ZPBP: variants seen among roughly 807,000 people sequenced by gnomAD.
ZPBP encodes zona pellucida binding protein.
In ZPBP, 26 loss-of-function variants were observed where a neutral mutation model predicts 44.8. The ratio of observed to expected loss-of-function variants is 0.58; its 90% CI spans 0.43 to 0.81. The LOEUF is 0.81. ZPBP is among the 30% of genes least tolerant of loss of function. The pLI is 0.00. For synonymous variants in ZPBP, 174 were observed against 153.2 expected, an observed-to-expected ratio of 1.14 and a Z score of -1.00; for missense variants, 409 against 434.0, an observed-to-expected ratio of 0.94 and a Z score of 0.51.
At chr7:50,090,179 A>AT (rs1438239995) in intron 1 of ZPBP, among the ~76,000 whole-genome samples, 1 of 151,972 alleles carries the variant, frequency 6.6e-6, no homozygotes, top group African/African-American at 2.4e-5. Flanking sequence ...GATTTTTGAG[A>AT]TTTTGGTATA....
At chr7:49,843,262 C>T in the ZPBP span, among the ~76,000 whole-genome samples, 1 of 152,152 alleles carries the variant, frequency 6.6e-6, no homozygotes, top group South Asian at 2.1e-4. Flanking sequence ...AATTCAAATT[C>T]TGGTTTAAAC....
intron 2 of ZPBP, among the ~76,000 whole-genome samples, chr7:50,088,328 A>G (rs1325642595): frequency 6.6e-6 from 1 of 152,056 alleles, no homozygotes; most frequent in African/African-American, 2.4e-5. Flanking sequence ...ACATTCTTAT[A>G]AAGAAACATA....
chr7:50,071,685 CAGTAGGATAG>C (rs1322404606), intron 3 of ZPBP, among the ~76,000 whole-genome samples: 7 of 151,918 alleles, frequency 4.6e-5, no homozygotes, highest in African/African-American at 1.7e-4. Flanking sequence ...AGCCCAAGCA[CAGTAGGATAG>C]AGCACTGGTC....
intron 3 of ZPBP, among the ~76,000 whole-genome samples, chr7:50,074,839 C>A (rs1478133184): frequency 1.3e-5 from 2 of 151,944 alleles, no homozygotes; most frequent in Non-Finnish European, 2.9e-5. Context: ...CAACACCCCA[C>A]TTTCAGCATT....
downstream of ZPBP, chr7:49,850,309 C>T (rs1342317775): frequency 2.0e-5 from 3 of 152,248 alleles, no homozygotes; most frequent in African/African-American, 4.8e-5. Flanking sequence ...TATTTTAAGT[C>T]ACATTGTTTA....
chr7:50,042,189 T>A (rs188086258), intron 4 of ZPBP, among the ~76,000 whole-genome samples: 3 of 152,288 alleles, frequency 2.0e-5, no homozygotes, highest in Admixed American at 6.5e-5. Context: ...AGACCAAACC[T>A]ACATTTGATT....
At chr7:50,018,561 G>A (rs1417870634) in intron 5 of ZPBP, among the ~76,000 whole-genome samples, 3 of 151,962 alleles carry the variant, frequency 2.0e-5, no homozygotes, top group Non-Finnish European at 4.4e-5. Context: ...ATGTTTGGCT[G>A]TTGATTTTGT....
At chr7:50,035,593 G>A (rs1799793199) in intron 4 of ZPBP, among the ~76,000 whole-genome samples, 1 of 152,000 alleles carries the variant, frequency 6.6e-6, no homozygotes, top group Non-Finnish European at 1.5e-5. Context: ...CACAAAAACA[G>A]GAAAACAGGC....
intron 6 of ZPBP, among the ~76,000 whole-genome samples, chr7:50,003,610 G>A (rs1798185115): frequency 6.6e-6 from 1 of 152,168 alleles, no homozygotes. Flanking sequence ...GGCATAGTTT[G>A]GATACCAGAT....
intron 3 of ZPBP, among the ~76,000 whole-genome samples, chr7:50,069,299 G>C (rs1801707651): frequency 6.6e-6 from 1 of 151,950 alleles, no homozygotes; most frequent in South Asian, 2.1e-4. Flanking sequence ...TTTTGTCTCA[G>C]CTTCTGGGGC....
At chr7:49,925,745 T>C (rs1199901863) in intron 1 of ZPBP, among the ~76,000 whole-genome samples, 2 of 152,230 alleles carry the variant, frequency 1.3e-5, no homozygotes, top group African/African-American at 4.8e-5. Flanking sequence ...TCCAGGCCCC[T>C]GGCTGCAGCC....
downstream of ZPBP, among the ~76,000 whole-genome samples, chr7:49,848,840 A>C (rs182459282): frequency 1.0e-3 from 156 of 152,366 alleles, no homozygotes; most frequent in African/African-American, 3.7e-3. Context: ...ATAGTCAATA[A>C]AATGATTACA....
intron 3 of ZPBP, among the ~76,000 whole-genome samples, chr7:50,072,423 G>C (rs1226143495): frequency 2.6e-5 from 4 of 152,218 alleles, no homozygotes; most frequent in Admixed American, 6.5e-5. Flanking sequence ...GGGATTGGGG[G>C]ACCTTGCAGC....
chr7:49,920,539 G>A (rs775078688), intron 1 of ZPBP: 16 of 152,184 alleles, frequency 1.1e-4, no homozygotes, highest in Non-Finnish European at 1.6e-4. Context: ...TTAAGTCCAC[G>A]GAAAGCTGGA....
intron 2 of ZPBP, among the ~76,000 whole-genome samples, chr7:49,870,156 T>C (rs1271717351): frequency 2.0e-5 from 3 of 152,174 alleles, no homozygotes; most frequent in Admixed American, 2.0e-4. Context: ...ATCCCAGCAC[T>C]TTGGGAGACC....
rs1162148278 is a variant in ZPBP, at chr7:49,981,376, T to A, written c.961+1966A>T. Among the ~76,000 whole-genome samples, 7 of 1,472 alleles carry A rather than the reference T, an allele frequency of 4.8e-3. 1 individual carries two copies. In the South Asian group the frequency reaches 0.21, roughly 45 times the overall value. The allele number at this position is 1,472 out of a possible 152,430, so 1.0% of individuals were successfully genotyped here. On this transcript the variant is annotated intron_variant, in intron 7 of 7. Transcript: ENST00000046087. ...TATATATTATATATAATTATATATA[T>A]TATATATAATTATATATATTATATA...
intron 6 of ZPBP, among the ~76,000 whole-genome samples, chr7:49,994,041 C>G (rs996970706): frequency 2.6e-5 from 4 of 152,176 alleles, no homozygotes; most frequent in Non-Finnish European, 4.4e-5. Flanking sequence ...ATCTTTGTCA[C>G]CAAATTTCCA....
intron 1 of ZPBP, among the ~76,000 whole-genome samples, chr7:49,911,022 T>A (rs1400851037): frequency 6.6e-6 from 1 of 152,218 alleles, no homozygotes; most frequent in Non-Finnish European, 1.5e-5. Context: ...TCAAGCAGTT[T>A]GCTTGTTTTA....
At chr7:50,046,010 G>C (rs1242185570) in intron 4 of ZPBP, among the ~76,000 whole-genome samples, 3 of 152,128 alleles carry the variant, frequency 2.0e-5, no homozygotes, top group African/African-American at 7.2e-5. Flanking sequence ...ACAACCATCT[G>C]ATCTTTGACA....
Sources: allele counts gnomAD v4.1 joint callset (sites outside exome capture counted in the v4.1 genomes callset), GRCh38; gene constraint gnomAD v4.1.1; transcripts MANE v1.5; gene names NCBI Gene and HGNC (gene_info 2026-07-23, HGNC 2026-07-21).